DHRS7: variants seen among roughly 807,000 people sequenced by gnomAD.
DHRS7 encodes the protein dehydrogenase/reductase SDR family member 7.
A neutral mutation model predicts 38.9 loss-of-function variants in DHRS7; 34 were observed. The ratio of observed to expected loss-of-function variants is 0.87; its 90% confidence interval spans 0.66 to 1.16. The LOEUF (loss-of-function observed/expected upper bound fraction) is 1.16. DHRS7 is among the 50% of genes most tolerant of loss of function. The pLI is 0.00. For missense variants in DHRS7, 421 were observed against 407.0 expected (o/e 1.03, Z -0.30); for synonymous variants, 158 against 153.1 (o/e 1.03, Z -0.24).
rs776852864 is a variant in DHRS7, at chr14:60,153,998, A to C, written c.354T>G (p.His118Gln). The part of the protein sequence containing the change: ...LPLDLTDTGS[H>Q]EAATKAVLQE... ...GGAGAACAGCTTTGGTAGCCGCTTC[A>C]TGGGAACCAGTGTCGGTCAGGTCAA... Residue 118 changes from histidine (H) to glutamine (Q), a missense_variant, in exon 3 of 7, where the codon CAT becomes CAG. Coordinates refer to ENST00000557185, the MANE Select transcript of DHRS7 (RefSeq NM_016029.4). The surrounding 1 kb of genome is among the most constrained non-coding windows in gnomAD (Gnocchi z 4.4). 6.2e-7 allele frequency: 1 copy of C among 1,614,126 alleles called. No homozygotes were observed. The highest frequency in any genetic ancestry group is 1.7e-5 in the Admixed American group (1 of 60,014).
At chr14:60,156,364 T>C (rs1232767748) in intron 1 of DHRS7, among the ~76,000 whole-genome samples, 1 of 151,652 alleles carries the variant, frequency 6.6e-6, no homozygotes, top group Non-Finnish European at 1.5e-5. Context: ...GTAACAGTTA[T>C]CAACACAGTA....
In DHRS7 at chr14:60,162,870, T is replaced by G. The variant is rs1005764795; in HGVS notation, c.133+2307A>C. Among the ~76,000 whole-genome samples the G allele has an allele frequency of 1.6e-4, 24 of 151,914 alleles. No individual in the cohort carries two copies. Among genetic ancestry groups the G allele is most frequent in the African/African-American group, 5.8e-4 (24 of 41,354 alleles). On this transcript the variant is annotated intron_variant, in intron 1 of 6. Coordinates refer to ENST00000557185, the MANE Select transcript of DHRS7 (RefSeq NM_016029.4). This position sits in a 1 kb window ranked among gnomAD's most constrained non-coding sequence, Gnocchi z 4.5. ...ATCTGTGCTTTATACATAAAAGGAG[T>G]TCTATAAAGTTTACTCCTGCCAGGC...
intron 1 of DHRS7, among the ~76,000 whole-genome samples, chr14:60,163,467 T>A (rs1373748632): frequency 6.6e-6 from 1 of 152,174 alleles, no homozygotes; most frequent in South Asian, 2.1e-4. Flanking sequence ...GCTGAATAAC[T>A]TTTATGTAAC....
chr14:60,166,725 C>A (rs1160365266), upstream of DHRS7, among the ~76,000 whole-genome samples: 9 of 152,150 alleles, frequency 5.9e-5, no homozygotes, highest in Admixed American at 1.3e-4. Flanking sequence ...CCTCTTTTCA[C>A]AATTACTTCT....
intron 2 of DHRS7, among the ~76,000 whole-genome samples, chr14:60,155,431 A>G (rs1896638798): frequency 6.6e-6 from 1 of 152,236 alleles, no homozygotes; most frequent in African/African-American, 2.4e-5. Context: ...CCTGGGCAAC[A>G]AAGTGAGACT....
chr14:60,166,943 G>A (rs1896875389), upstream of DHRS7, among the ~76,000 whole-genome samples: 1 of 145,212 alleles, frequency 6.9e-6, no homozygotes, highest in African/African-American at 2.5e-5. Context: ...TTGATAGAGA[G>A]TAGAAGGATA....
chr14:60,152,785 G>A (rs1033672757), intron 4 of DHRS7, 154 bp downstream of exon 4: 1 of 706,856 alleles, frequency 1.4e-6, no homozygotes, highest in Non-Finnish European at 2.3e-6. Context: ...GTCTTTTTTA[G>A]CATCTACTGG....
At chr14:60,163,531 A>G (rs1022358756) in intron 1 of DHRS7, among the ~76,000 whole-genome samples, 2 of 152,248 alleles carry the variant, frequency 1.3e-5, no homozygotes, top group East Asian at 1.9e-4. Context: ...TGCAAATTAT[A>G]TAACTACATA....
At chr14:60,150,278 G>A (rs780508596) in intron 4 of DHRS7, 91 bp from the exon 5 acceptor site, 10 of 1,227,056 alleles carry the variant, frequency 8.1e-6, no homozygotes, top group South Asian at 1.9e-5. Context: ...AAATGTGTGA[G>A]TAAAGGACAG....
Position 60,165,345 on chromosome 14 carries a change from C to A in DHRS7, c.-36G>T. ...CACGCCCAGCTCGGGGGGAAGAAGA[C>A]GGCCCGCACCAGAGTCGCGTCGCTG... On this transcript the variant is annotated 5_prime_UTR_variant, in exon 1 of 7. Coordinates refer to ENST00000557185, the MANE Select transcript of DHRS7 (RefSeq NM_016029.4). This position sits in a 1 kb window ranked among gnomAD's most constrained non-coding sequence, Gnocchi z 4.6. The A allele has an allele frequency of 6.4e-7, 1 of 1,550,626 alleles. No individual in the cohort carries two copies.
rs777910825 is a variant in DHRS7 at position 60,149,470 on chromosome 14, C to T, written c.855G>A (p.Trp285Ter). ...ISMANDLKEV[W>*]ISEQPFLLVT... ...CTAACAAGAAAGGTTGTTCTGAGAT[C>T]CAAACTTCTTTCAAATCATTGGCCA... The change falls in exon 6 of 7, where the codon TGG (tryptophan) becomes TGA (stop). Residue 285 changes from tryptophan (W) to a stop codon, truncating the protein, a stop_gained. Coordinates refer to ENST00000557185, the MANE Select transcript of DHRS7 (RefSeq NM_016029.4). LOFTEE classifies it high-confidence loss of function. The T allele has an allele frequency of 2.5e-6, 4 of 1,614,000 alleles. No homozygotes were observed. The highest frequency in any genetic ancestry group is 2.2e-5 in the East Asian group (1 of 44,898).
Position 60,165,190 on chromosome 14 carries a change from C to G in DHRS7, c.120G>C (p.Gln40His). 1 of 1,612,890 alleles carries G rather than the reference C, an allele frequency of 6.2e-7. No homozygotes were observed. Among genetic ancestry groups the G allele is most frequent in the Non-Finnish European group, 8.5e-7 (1 of 1,179,812 alleles). ...GDLTLLWAEW[Q>H]GRRPEWELTD... ...GCCGGTCCTCACCTGGGCGTCGTCCCTGCCACTCGGCCCATAGTAGCGTCA... is the reference window on the plus strand; with the variant it reads ...GCCGGTCCTCACCTGGGCGTCGTCCGTGCCACTCGGCCCATAGTAGCGTCA... Residue 40 changes from glutamine to histidine, a missense_variant, in exon 1 of 7, where the codon CAG (glutamine) becomes CAC (histidine). Gln to His is a conservative substitution (Grantham distance 24). Transcript: ENST00000557185. The surrounding 1 kb of genome is among the most constrained non-coding windows in gnomAD (Gnocchi z 4.6).
At chr14:60,147,447 A>T (rs1181639083) in intron 6 of DHRS7, 1 of 152,204 alleles carries the variant, frequency 6.6e-6, no homozygotes, top group East Asian at 1.9e-4. Context: ...GATTGTGGTA[A>T]TCATTTTACA....
chr14:60,168,997 A>C (rs1473901524), upstream of DHRS7: 8 of 340,728 alleles, frequency 2.3e-5, no homozygotes, highest in Admixed American at 9.5e-5. Context: ...ACCGAGGCTG[A>C]AGTGGGAGGA....
At chr14:60,169,647 C>T (rs1896908935), upstream of DHRS7, 1 of 152,258 alleles carries the variant, frequency 6.6e-6, no homozygotes, top group Non-Finnish European at 1.5e-5. Context: ...TCCACCCCTT[C>T]CCTAGGCAGC....
chr14:60,153,294 A>C lies in DHRS7; in HGVS notation c.394-116T>G. Reference sequence around the variant, plus strand: ...CTTAAAGAATCAATGGAACAATGGTATATTTCCAGAAGTCAGCAATTAAAA... The same window carrying C: ...CTTAAAGAATCAATGGAACAATGGTCTATTTCCAGAAGTCAGCAATTAAAA... On this transcript the variant is annotated intron_variant, in intron 3 of 6. Coordinates refer to ENST00000557185, the MANE Select transcript of DHRS7 (RefSeq NM_016029.4). This position sits in a 1 kb window ranked among gnomAD's most constrained non-coding sequence, Gnocchi z 4.4. 8.3e-7 allele frequency: 1 copy of C among 1,205,084 alleles called. No individual in the cohort carries two copies. The highest frequency in any genetic ancestry group is 1.2e-6 in the Non-Finnish European group (1 of 867,976). 74.6% of individuals were successfully genotyped at this position (1,205,084 alleles called of 1,614,324 possible).
intron 1 of DHRS7, among the ~76,000 whole-genome samples, chr14:60,158,776 C>T (rs1236882536): frequency 1.3e-5 from 2 of 152,170 alleles, no homozygotes; most frequent in African/African-American, 2.4e-5. Context: ...AGCCCTTGAC[C>T]CATCTCTAAT....
Position 60,165,123 on chromosome 14 carries a change from T to C in DHRS7, c.133+54A>G, listed in dbSNP as rs1271593575. On this transcript the variant is annotated intron_variant, in intron 1 of 6. Coordinates refer to ENST00000557185, the MANE Select transcript of DHRS7 (RefSeq NM_016029.4). This position sits in a 1 kb window ranked among gnomAD's most constrained non-coding sequence, Gnocchi z 4.6. ...GAACCCCCGGAGACCCGGACACGCC[T>C]CGGCAGCTCCGAGCCCGGCCTCCCA... 5.4e-5 allele frequency: 87 copies of C among 1,600,090 alleles called. No homozygotes were observed. Among genetic ancestry groups the C allele is most frequent in the Non-Finnish European group, 6.4e-5 (75 of 1,174,478 alleles).
At chr14:60,167,358 C>A (rs1046518518), upstream of DHRS7, among the ~76,000 whole-genome samples, 1 of 152,246 alleles carries the variant, frequency 6.6e-6, no homozygotes, top group Non-Finnish European at 1.5e-5. Context: ...AATCAATCTT[C>A]TCTAAGTATT....
Sources: gnomAD v4.1 joint callset for allele counts (sites outside exome capture counted in the v4.1 genomes callset) on GRCh38, gnomAD v4.1.1 for gene constraint, Gnocchi (gnomAD v3.1) non-coding constraint, MANE v1.5 for transcripts, NCBI Gene and HGNC (gene_info 2026-07-23, HGNC 2026-07-21) for gene names.